PCGF3: variants seen among roughly 807,000 people sequenced by gnomAD.
PCGF3 encodes the protein polycomb group ring finger 3, also known as polycomb group RING finger protein 3.
In PCGF3, 7 loss-of-function variants were observed where a neutral mutation model predicts 33.1. The ratio of observed to expected loss-of-function variants is 0.21; its 90% CI spans 0.12 to 0.40. The LOEUF (loss-of-function observed/expected upper bound fraction) is 0.40, where lower values mean the gene tolerates loss of function less well. PCGF3 is among the 10% of genes least tolerant of loss of function. The probability of loss-of-function intolerance (pLI) is 1.00; values close to 1 mark genes in which losing one functional copy is unlikely to be tolerated. For synonymous variants in PCGF3, 153 were observed against 121.3 expected, an observed-to-expected ratio of 1.26 and a Z score of -1.72; for missense variants, 211 against 313.3, an observed-to-expected ratio of 0.67 and a Z score of 2.46.
At chr4:742,929 G>A (rs566126040) in intron 6 of PCGF3, among the ~76,000 whole-genome samples, 1 of 152,240 alleles carries the variant, frequency 6.6e-6, no homozygotes, top group Admixed American at 6.5e-5. Flanking sequence ...TCGGGCCCTC[G>A]AGGGCTCTCT....
At chr4:761,878 C>T in intron 9 of PCGF3, 1 of 985,422 alleles carries the variant, frequency 1.0e-6, no homozygotes, top group African/African-American at 1.7e-5. Flanking sequence ...GGCAGTGACA[C>T]CATGGGGATG....
intron 9 of PCGF3, among the ~76,000 whole-genome samples, chr4:763,211 G>A (rs1160359239): frequency 6.6e-6 from 1 of 152,204 alleles, no homozygotes; most frequent in African/African-American, 2.4e-5. Context: ...GCTTTTCTGT[G>A]TAGCGAAACA....
At chr4:736,123 C>T (rs1743811498) in intron 5 of PCGF3, among the ~76,000 whole-genome samples, 1 of 152,100 alleles carries the variant, frequency 6.6e-6, no homozygotes, top group African/African-American at 2.4e-5. Context: ...TCTCAGCTCA[C>T]CGCAACCTCC....
At chr4:757,284 G>C (rs1355788344) in intron 8 of PCGF3, 1 of 146,498 alleles carries the variant, frequency 6.8e-6, no homozygotes, top group Non-Finnish European at 1.5e-5. Context: ...TGCAGACCCC[G>C]CTGCCTCAGA....
intron 3 of PCGF3, among the ~76,000 whole-genome samples, chr4:733,093 C>A (rs1158204127): frequency 6.0e-5 from 5 of 83,216 alleles, no homozygotes; most frequent in African/African-American, 3.2e-4. Flanking sequence ...GTGCTGCCTC[C>A]GCCCCTGCCC....
intron 6 of PCGF3, 129 bp from the exon 7 acceptor site, chr4:743,345 G>T (rs1744175871): frequency 1.6e-6 from 1 of 630,820 alleles, no homozygotes. Context: ...TTAATTTGCT[G>T]CTTTCTTATT....
chr4:753,228 G>C (rs1744604964), intron 8 of PCGF3, among the ~76,000 whole-genome samples: 1 of 152,218 alleles, frequency 6.6e-6, no homozygotes, highest in African/African-American at 2.4e-5. Flanking sequence ...TTCTTGCCTA[G>C]GCTGGAGTAT....
chr4:707,934 C>T (rs186971054), intron 1 of PCGF3, among the ~76,000 whole-genome samples: 12 of 76,810 alleles, frequency 1.6e-4, no homozygotes, highest in African/African-American at 2.4e-4. Flanking sequence ...CTGGGACAGC[C>T]CTGTTTTCCC....
At chr4:714,584 G>A (rs1339130108) in intron 1 of PCGF3, among the ~76,000 whole-genome samples, 2 of 152,182 alleles carry the variant, frequency 1.3e-5, no homozygotes, top group Non-Finnish European at 2.9e-5. Context: ...GTCAGCCAGG[G>A]CCTGTCCTTG....
intron 1 of PCGF3, among the ~76,000 whole-genome samples, chr4:719,030 T>C (rs967944599): frequency 6.6e-6 from 1 of 152,138 alleles, no homozygotes; most frequent in Non-Finnish European, 1.5e-5. Context: ...TCTTGGCTCA[T>C]TGCAACCTCT....
intron 8 of PCGF3, among the ~76,000 whole-genome samples, chr4:751,827 G>T (rs1391816059): frequency 6.6e-6 from 1 of 152,020 alleles, no homozygotes; most frequent in African/African-American, 2.4e-5. Context: ...GCTCAGGGTG[G>T]CATCAGCCGG....
rs117218420 is a variant in PCGF3 at position 751,210 on chromosome 4, G to A, written c.462+6522G>A. On this transcript the variant is annotated intron_variant, in intron 8 of 10. Transcript: ENST00000362003. Reference sequence around the variant, plus strand: ...TGGGATTATCCGCGTCTATAACTTCGTGATGAGTTCCTGATCTCCGTCTTC... The same window carrying A: ...TGGGATTATCCGCGTCTATAACTTCATGATGAGTTCCTGATCTCCGTCTTC... Among the ~76,000 whole-genome samples the A allele has an allele frequency of 1.8e-4, 27 of 152,208 alleles. 1 individual carries two copies. In the East Asian group the frequency reaches 3.9e-3, roughly 22 times the overall value.
At chr4:735,801 T>C (rs947804489) in intron 5 of PCGF3, among the ~76,000 whole-genome samples, 4 of 152,178 alleles carry the variant, frequency 2.6e-5, no homozygotes, top group African/African-American at 9.7e-5. Context: ...GACTCACCCC[T>C]GGGCCAGCCA....
At chr4:709,565 C>T (rs1742477642) in intron 1 of PCGF3, among the ~76,000 whole-genome samples, 1 of 152,216 alleles carries the variant, frequency 6.6e-6, no homozygotes, top group African/African-American at 2.4e-5. Context: ...GTGAGTGATG[C>T]ATGAACAAAT....
At chr4:726,412 G>A (rs1364910473) in intron 1 of PCGF3, among the ~76,000 whole-genome samples, 5 of 152,216 alleles carry the variant, frequency 3.3e-5, no homozygotes, top group Non-Finnish European at 5.9e-5. Flanking sequence ...CACAGCCCAC[G>A]GGGCACAGCC....
At chr4:715,157 A>G (rs1742756326) in intron 1 of PCGF3, among the ~76,000 whole-genome samples, 1 of 146,386 alleles carries the variant, frequency 6.8e-6, no homozygotes, top group African/African-American at 2.5e-5. Context: ...ACTGAGTGTG[A>G]GAACTGGGCG....
chr4:740,895 C>A (rs952528650), intron 6 of PCGF3, among the ~76,000 whole-genome samples: 1 of 152,092 alleles, frequency 6.6e-6, no homozygotes, highest in African/African-American at 2.4e-5. Context: ...TTTGGGCAGC[C>A]CTCTGCACCG....
chr4:716,129 G>C (rs1254642841), intron 1 of PCGF3, among the ~76,000 whole-genome samples: 2 of 123,394 alleles, frequency 1.6e-5, no homozygotes, highest in African/African-American at 2.8e-5. Flanking sequence ...AGAACTGGGT[G>C]TCAGTGCTGG....
intron 8 of PCGF3, chr4:757,785 C>A (rs917648109): frequency 2.6e-5 from 4 of 152,140 alleles, no homozygotes; most frequent in African/African-American, 4.8e-5. Context: ...TTTCTTTAAT[C>A]TCTTTCTTTC....
Sources: allele counts gnomAD v4.1 joint callset (sites outside exome capture counted in the v4.1 genomes callset), GRCh38; gene constraint gnomAD v4.1.1; transcripts MANE v1.5; gene names NCBI Gene and HGNC (gene_info 2026-07-23, HGNC 2026-07-21).